Variants in RANBP2 observed in about 807,000 individuals in gnomAD.
RANBP2 encodes RAN binding protein 2.
A neutral mutation model predicts 303.6 loss-of-function variants in RANBP2; 57 were observed. That is an observed-to-expected ratio of 0.19 (90% CI 0.15 to 0.23). The LOEUF (loss-of-function observed/expected upper bound fraction) is 0.23, where lower values mean the gene tolerates loss of function less well. Ranked by LOEUF, RANBP2 falls within the 10% of genes least tolerant of loss-of-function variation. The pLI is 1.00. For synonymous variants in RANBP2, 1,167 were observed against 1,301.5 expected, an observed-to-expected ratio of 0.90 and a Z score of 2.23; for missense variants, 3,138 against 3,780.8, an observed-to-expected ratio of 0.83 and a Z score of 4.46.
At chr2:109,261,462 T>G in the RANBP2 span, among the ~76,000 whole-genome samples, 38,319 of 152,118 alleles carry the variant, frequency 0.25, 5,245 homozygotes, top group East Asian at 0.46. Context: ...GTTTGCTTCT[T>G]GGCTTTGGAG....
the RANBP2 span, among the ~76,000 whole-genome samples, chr2:109,763,786 C>T: frequency 6.7e-6 from 1 of 149,706 alleles, no homozygotes; most frequent in Non-Finnish European, 1.5e-5. Context: ...TATTTTAATC[C>T]CTAAGAACTT....
At chr2:109,608,593 T>C in the RANBP2 span, among the ~76,000 whole-genome samples, 1 of 152,196 alleles carries the variant, frequency 6.6e-6, no homozygotes, top group Non-Finnish European at 1.5e-5. Flanking sequence ...CCTGACCAGG[T>C]AGCCTATTTA....
the RANBP2 span, among the ~76,000 whole-genome samples, chr2:109,323,125 T>G: frequency 6.6e-6 from 1 of 152,164 alleles, no homozygotes; most frequent in Non-Finnish European, 1.5e-5. Flanking sequence ...TCCCAGCATA[T>G]GCTCCAGAGA....
the RANBP2 span, among the ~76,000 whole-genome samples, chr2:109,081,358 G>A: frequency 6.6e-6 from 1 of 152,102 alleles, no homozygotes; most frequent in African/African-American, 2.4e-5. Flanking sequence ...CCAGATGGGG[G>A]CAGCCCCCCA....
chr2:108,948,914 T>C, the RANBP2 span, among the ~76,000 whole-genome samples: 1 of 152,136 alleles, frequency 6.6e-6, no homozygotes, highest in Admixed American at 6.6e-5. Flanking sequence ...GGCCAGGAGT[T>C]CAAGACTGGT....
chr2:108,753,880 A>G lies in RANBP2; in HGVS notation c.2111A>G (p.Gln704Arg). The G allele has an allele frequency of 6.2e-7, 1 of 1,612,036 alleles. No homozygotes were observed. Among genetic ancestry groups the G allele is most frequent in the Middle Eastern group, 2.3e-4 (1 of 4,430 alleles). Reference sequence around the variant, plus strand: ...AATGATGCCCTTTCTCCTGAAGAACAAGAAGAATGCAAAAATTATCTGAGA... The same window carrying G: ...AATGATGCCCTTTCTCCTGAAGAACGAGAAGAATGCAAAAATTATCTGAGA... ...IENDALSPEE[Q>R]EECKNYLRKT... The change falls in exon 15 of 29, where the codon CAA becomes CGA. Residue 704 changes from glutamine (Q) to arginine (R), a missense_variant. Gln to Arg is a conservative substitution (Grantham distance 43). Coordinates refer to ENST00000283195, the MANE Select transcript of RANBP2 (RefSeq NM_006267.5).
the RANBP2 span, among the ~76,000 whole-genome samples, chr2:109,487,884 G>A: frequency 6.6e-6 from 1 of 152,052 alleles, no homozygotes; most frequent in African/African-American, 2.4e-5. Flanking sequence ...AGGCGCTGGT[G>A]GGGATACTGC....
the RANBP2 span, chr2:109,546,299 G>A: frequency 8.9e-3 from 10,136 of 1,143,888 alleles, 1,191 homozygotes; most frequent in East Asian, 0.24. Flanking sequence ...ACGCTCTCCA[G>A]CTCAGCAACA....
At chr2:108,735,865 T>G in intron 5 of RANBP2, 103 bp downstream of exon 5, 1 of 1,588,400 alleles carries the variant, frequency 6.3e-7, no homozygotes, top group Non-Finnish European at 8.5e-7. Flanking sequence ...ATTTCTTTTA[T>G]TTATGTAGAA....
chr2:109,123,341 TC>T, the RANBP2 span, among the ~76,000 whole-genome samples: 1 of 145,952 alleles, frequency 6.9e-6, no homozygotes, highest in Non-Finnish European at 1.5e-5. Flanking sequence ...CTTCCTTCCT[TC>T]CTTCCTTCCT....
At chr2:108,870,911 T>A in the RANBP2 span, among the ~76,000 whole-genome samples, 1 of 150,072 alleles carries the variant, frequency 6.7e-6, no homozygotes. Flanking sequence ...GTAATGTGAA[T>A]TTACTTAATA....
chr2:109,774,532 T>TATATATAAA, the RANBP2 span, among the ~76,000 whole-genome samples: 1 of 91,636 alleles, frequency 1.1e-5, no homozygotes, highest in Non-Finnish European at 1.9e-5. Flanking sequence ...TTATATATAT[T>TATATATAAA]ATATATAAAA....
chr2:109,241,621 A>T, the RANBP2 span, among the ~76,000 whole-genome samples: 2 of 151,916 alleles, frequency 1.3e-5, no homozygotes, highest in African/African-American at 4.8e-5. Flanking sequence ...CTCTGCTGGG[A>T]GGGCCCCTGG....
At chr2:109,673,718 G>A in the RANBP2 span, among the ~76,000 whole-genome samples, 2 of 151,982 alleles carry the variant, frequency 1.3e-5, no homozygotes, top group Non-Finnish European at 2.9e-5. Flanking sequence ...ACAAAAATTA[G>A]CTGGGCAAGG....
chr2:109,221,356 G>A, the RANBP2 span, among the ~76,000 whole-genome samples: 3 of 152,136 alleles, frequency 2.0e-5, no homozygotes, highest in Admixed American at 6.5e-5. Context: ...GCTGAGACAG[G>A]CAGATCACTT....
the RANBP2 span, among the ~76,000 whole-genome samples, chr2:109,489,472 T>C: frequency 6.6e-6 from 1 of 152,220 alleles, no homozygotes; most frequent in Non-Finnish European, 1.5e-5. Context: ...CCGTGTCACC[T>C]GTCCTACAAA....
At chr2:109,525,191 G>A in the RANBP2 span, among the ~76,000 whole-genome samples, 2 of 151,156 alleles carry the variant, frequency 1.3e-5, no homozygotes, top group African/African-American at 4.9e-5. Flanking sequence ...GTCTCACTCT[G>A]TCACCCAGGC....
At chr2:109,109,820 A>C in the RANBP2 span, among the ~76,000 whole-genome samples, 1 of 152,188 alleles carries the variant, frequency 6.6e-6, no homozygotes, top group African/African-American at 2.4e-5. Flanking sequence ...GTAGTCTTGG[A>C]ATGATTCTCA....
At chr2:109,723,609 A>C in the RANBP2 span, among the ~76,000 whole-genome samples, 1 of 151,660 alleles carries the variant, frequency 6.6e-6, no homozygotes, top group Non-Finnish European at 1.5e-5. Context: ...CCTACTTTTT[A>C]ATGGGGTTTT....
Sources: gnomAD v4.1 joint callset for allele counts (sites outside exome capture counted in the v4.1 genomes callset) on GRCh38, gnomAD v4.1.1 for gene constraint, MANE v1.5 for transcripts, NCBI Gene and HGNC (gene_info 2026-07-23, HGNC 2026-07-21) for gene names.